XYLB: variants seen among roughly 807,000 people sequenced by gnomAD.
XYLB encodes the protein xylulose kinase.
XYLB carries 62 observed loss-of-function variants against 78.7 expected under a neutral mutation model. The observed-to-expected ratio is 0.79, with a 90% CI of 0.64 to 0.97. The LOEUF (loss-of-function observed/expected upper bound fraction) is 0.97. Ranked by LOEUF, XYLB falls within the 50% of genes least tolerant of loss-of-function variation. The probability of loss-of-function intolerance (pLI) is 0.00; values close to 1 mark genes in which losing one functional copy is unlikely to be tolerated. For synonymous variants in XYLB, 245 were observed against 247.4 expected, an observed-to-expected ratio of 0.99 and a Z score of 0.09; for missense variants, 687 against 676.8, an observed-to-expected ratio of 1.02 and a Z score of -0.17.
chr3:38,348,705 G>A (rs1045269307), intron 2 of XYLB, 73 bp downstream of exon 2: 11 of 1,387,828 alleles, frequency 7.9e-6, no homozygotes, highest in Middle Eastern at 1.8e-4. Flanking sequence ...TTTTGTATTC[G>A]CAGACCGCAC....
intron 15 of XYLB, among the ~76,000 whole-genome samples, chr3:38,392,652 G>A (rs1473620960): frequency 1.3e-5 from 2 of 151,942 alleles, no homozygotes. Context: ...CTCTGAATTG[G>A]CTATGTACAT....
the XYLB span, among the ~76,000 whole-genome samples, chr3:38,444,514 A>G: frequency 2.6e-5 from 4 of 152,204 alleles, no homozygotes; most frequent in Non-Finnish European, 4.4e-5. Flanking sequence ...AAGCTTGGAC[A>G]TAAGGTATTT....
intron 2 of XYLB, among the ~76,000 whole-genome samples, chr3:38,354,320 G>A (rs1022213192): frequency 3.9e-5 from 6 of 151,948 alleles, no homozygotes; most frequent in African/African-American, 1.5e-4. Context: ...CGCCTGCCTT[G>A]GCCTCCTGAA....
intron 4 of XYLB, 150 bp from the exon 5 acceptor site, chr3:38,365,049 C>A: frequency 1.6e-6 from 1 of 638,476 alleles, no homozygotes. Context: ...AACCAAGTCC[C>A]AGGAGGGTGA....
intron 2 of XYLB, 67 bp downstream of exon 2, chr3:38,348,699 G>A: frequency 3.4e-6 from 5 of 1,451,142 alleles, no homozygotes; most frequent in Admixed American, 1.7e-5. Context: ...GCAAACTTTT[G>A]TATTCGCAGA....
At chr3:38,447,353 G>A in the XYLB span, among the ~76,000 whole-genome samples, 1 of 152,044 alleles carries the variant, frequency 6.6e-6, no homozygotes, top group Non-Finnish European at 1.5e-5. Flanking sequence ...GCCCAGGTTG[G>A]AGTGCAGTGT....
chr3:38,351,045 G>A (rs71323660), intron 2 of XYLB, among the ~76,000 whole-genome samples: 1 of 151,514 alleles, frequency 6.6e-6, no homozygotes, highest in Non-Finnish European at 1.5e-5. Context: ...TATGCTGCAC[G>A]CCTGTAATCC....
At chr3:38,399,887 C>G (rs969006283) in intron 17 of XYLB, among the ~76,000 whole-genome samples, 2 of 152,200 alleles carry the variant, frequency 1.3e-5, no homozygotes, top group Non-Finnish European at 2.9e-5. Flanking sequence ...GGATGACTGT[C>G]TTGTGTAGCC....
the XYLB span, among the ~76,000 whole-genome samples, chr3:38,442,602 G>A: frequency 6.6e-6 from 1 of 152,082 alleles, no homozygotes; most frequent in African/African-American, 2.4e-5. Context: ...ATAGGGGTTG[G>A]GTACAACTGG....
the XYLB span, among the ~76,000 whole-genome samples, chr3:38,432,985 C>T: frequency 6.6e-6 from 1 of 152,250 alleles, no homozygotes; most frequent in Non-Finnish European, 1.5e-5. Flanking sequence ...GTGGGGGTTC[C>T]AACCCCACGT....
chr3:38,353,131 C>T (rs1411719991), intron 2 of XYLB, among the ~76,000 whole-genome samples: 1 of 152,122 alleles, frequency 6.6e-6, no homozygotes, highest in African/African-American at 2.4e-5. Context: ...AAAGGCCTTC[C>T]TCACTCCAAA....
rs760651453 is a variant in XYLB at position 38,365,267 on chromosome 3, G to T, written c.360G>T (p.Arg120=). ...TGACAAGCTTATCACCAGACCTCCG[G>T]CTACACCAGCAGCTGCAGGTAACTG... The part of the protein sequence containing the change: ...QALTSLSPDL[R]LHQQLQDCFS... The change falls in exon 5 of 19, where the codon CGG becomes CGT. Residue 120 remains arginine (R), a synonymous_variant. Coordinates refer to ENST00000207870, the MANE Select transcript of XYLB (RefSeq NM_005108.4). 4 of 1,614,194 alleles carry T rather than the reference G, an allele frequency of 2.5e-6. No individual in the cohort carries two copies. The highest frequency in any genetic ancestry group is 3.4e-6 in the Non-Finnish European group (4 of 1,180,034).
chr3:38,433,727 C>G, the XYLB span, among the ~76,000 whole-genome samples: 8 of 152,200 alleles, frequency 5.3e-5, no homozygotes, highest in Admixed American at 5.2e-4. Flanking sequence ...ATATCACTGT[C>G]AGCATTTTGG....
chr3:38,355,615 T>G, intron 2 of XYLB: 1 of 628,224 alleles, frequency 1.6e-6, no homozygotes. Flanking sequence ...TGTAGTTATG[T>G]TCAGCCATGT....
the XYLB span, among the ~76,000 whole-genome samples, chr3:38,444,774 T>C: frequency 6.6e-6 from 1 of 152,150 alleles, no homozygotes; most frequent in Non-Finnish European, 1.5e-5. Context: ...AAACCGCCCA[T>C]GGTTTTGGTT....
chr3:38,401,069 A>C, intron 18 of XYLB, 84 bp downstream of exon 18: 2 of 1,156,778 alleles, frequency 1.7e-6, no homozygotes, highest in Non-Finnish European at 2.6e-6. Context: ...GGTCACCTAC[A>C]TTGAACGTGA....
chr3:38,409,193 C>T (rs1430075082), intron 18 of XYLB, among the ~76,000 whole-genome samples: 7 of 152,190 alleles, frequency 4.6e-5, no homozygotes, highest in Admixed American at 2.0e-4. Flanking sequence ...CCACCATGAT[C>T]AAGTGGGCCT....
chr3:38,413,134 T>A lies in XYLB; in HGVS notation c.*121T>A. 1 of 1,001,710 alleles carries A rather than the reference T, an allele frequency of 1.0e-6. No homozygotes were observed. Among genetic ancestry groups the A allele is most frequent in the Non-Finnish European group, 1.4e-6 (1 of 708,418 alleles). 62.1% of individuals were successfully genotyped at this position (1,001,710 alleles called of 1,614,324 possible). On this transcript the variant is annotated 3_prime_UTR_variant, in exon 19 of 19. Transcript: ENST00000207870. ...GCTCTTCCTGCCCCTACTGACTCCT[T>A]GGAGTGTCCAGGACCATCTTAAAGC...
chr3:38,360,895 C>T lies in XYLB; in HGVS notation c.210+487C>T, dbSNP rs575292775. ...CTAAAAATACAAAAAATTAGCCGGG[C>T]GTGGTGGCCCATGCTTGTAATCCCA... On this transcript the variant is annotated intron_variant, in intron 3 of 18. Transcript: ENST00000207870. Among the ~76,000 whole-genome samples the T allele has an allele frequency of 7.8e-4, 119 of 152,212 alleles. 1 individual carries two copies. Among genetic ancestry groups the T allele is most frequent in the Admixed American group, 3.9e-4 (6 of 15,294 alleles).
Sources: gnomAD v4.1 joint callset for allele counts (sites outside exome capture counted in the v4.1 genomes callset) on GRCh38, gnomAD v4.1.1 for gene constraint, MANE v1.5 for transcripts, NCBI Gene and HGNC (gene_info 2026-07-23, HGNC 2026-07-21) for gene names.